The following YWHAQ variants were observed in gnomAD, a reference collection of about 807,000 sequenced individuals.
The protein encoded by YWHAQ is 14-3-3 protein theta.
In YWHAQ, 6 loss-of-function variants were observed where a neutral mutation model predicts 28.3. The ratio of observed to expected loss-of-function variants is 0.21; its 90% CI spans 0.12 to 0.42. YWHAQ has a LOEUF of 0.42. Among genes scored for constraint, YWHAQ ranks in the 10% least tolerant of loss-of-function variants. The probability of loss-of-function intolerance (pLI) is 1.00; values close to 1 mark genes in which losing one functional copy is unlikely to be tolerated. For missense variants in YWHAQ, 201 were observed against 305.6 expected (o/e 0.66, Z 2.55); for synonymous variants, 143 against 119.1 (o/e 1.20, Z -1.31).
chr2:9,600,484 T>A (rs936233890), intron 2 of YWHAQ, among the ~76,000 whole-genome samples: 3 of 152,040 alleles, frequency 2.0e-5, no homozygotes, highest in Non-Finnish European at 4.4e-5. Context: ...AGCGGGCAGA[T>A]CACCTGAGGT....
chr2:9,587,531 G>A, intron 4 of YWHAQ, 22 bp from the exon 5 acceptor site: 1 of 1,560,036 alleles, frequency 6.4e-7, no homozygotes, highest in Non-Finnish European at 8.7e-7. Flanking sequence ...TAATATCCAT[G>A]GTAAAATATG....
At chr2:9,617,087 A>G (rs1469104223) in intron 2 of YWHAQ, among the ~76,000 whole-genome samples, 1 of 150,416 alleles carries the variant, frequency 6.6e-6, no homozygotes, top group Non-Finnish European at 1.5e-5. Flanking sequence ...CAGCCTCCCG[A>G]GTAGCTGGGA....
chr2:9,591,526 T>G lies in YWHAQ; in HGVS notation c.295-11A>C, dbSNP rs753505265. On this transcript the variant is annotated splice_polypyrimidine_tract_variant and intron_variant, in intron 2 of 5. Transcript: ENST00000238081. ...TTTATCCAACAATTCCTGAAATAAA[T>G]AAGACAGAACATTAGGCACTAAACT... The G allele has an allele frequency of 6.2e-7, 1 of 1,602,692 alleles. No individual in the cohort carries two copies. Among genetic ancestry groups the G allele is most frequent in the Admixed American group, 1.7e-5 (1 of 59,808 alleles).
chr2:9,595,662 C>T (rs1666553931), intron 2 of YWHAQ, among the ~76,000 whole-genome samples: 2 of 145,952 alleles, frequency 1.4e-5, no homozygotes, highest in South Asian at 2.1e-4. Context: ...TGAGATATTG[C>T]ACTCCAGCCT....
chr2:9,608,744 T>C (rs1208541278), intron 2 of YWHAQ, among the ~76,000 whole-genome samples: 1 of 152,028 alleles, frequency 6.6e-6, no homozygotes, highest in African/African-American at 2.4e-5. Context: ...AGGTCAGGAG[T>C]TCGAAACCAG....
chr2:9,609,672 T>C (rs139516376), intron 2 of YWHAQ, among the ~76,000 whole-genome samples: 1 of 152,154 alleles, frequency 6.6e-6, no homozygotes, highest in African/African-American at 2.4e-5. Context: ...AATGACACAT[T>C]ACCATAAAGG....
chr2:9,629,864 G>A (rs111612155), intron 2 of YWHAQ, among the ~76,000 whole-genome samples: 129 of 152,246 alleles, frequency 8.5e-4, no homozygotes, highest in African/African-American at 2.6e-3. Flanking sequence ...CCCCGCACAA[G>A]AAACTTAAAA....
At chr2:9,611,245 C>G (rs1343420300) in intron 2 of YWHAQ, among the ~76,000 whole-genome samples, 1 of 152,190 alleles carries the variant, frequency 6.6e-6, no homozygotes, top group Non-Finnish European at 1.5e-5. Context: ...TGAGCAGCAT[C>G]CAACTCTTCT....
At chr2:9,622,674 G>A (rs1447138036) in intron 2 of YWHAQ, among the ~76,000 whole-genome samples, 1 of 152,154 alleles carries the variant, frequency 6.6e-6, no homozygotes, top group Non-Finnish European at 1.5e-5. Context: ...ATTAAAGCCA[G>A]CTGCAACTAT....
Position 9,630,518 on chromosome 2 carries a change from G to C in YWHAQ, c.-66C>G, listed in dbSNP as rs1346549517. 1.4e-6 allele frequency: 2 copies of C among 1,442,972 alleles called. No homozygotes were observed. Among genetic ancestry groups the C allele is most frequent in the African/African-American group, 1.4e-5 (1 of 70,948 alleles). The allele number at this position is 1,442,972 out of a possible 1,614,324, so 89.4% of individuals were successfully genotyped here. A position where few individuals can be genotyped will look rare whatever the true frequency, so the allele number is the denominator to read the frequency against. ...GCGAGGGCGAGCGCCGACCCGCAGC[G>C]GGAGGAGCCTCGAGAGCTGCGGAGG... On this transcript the variant is annotated 5_prime_UTR_variant, in exon 2 of 6. Transcript: ENST00000238081. The surrounding 1 kb of genome is among the most constrained non-coding windows in gnomAD (Gnocchi z 5.6).
chr2:9,586,190 G>A lies in YWHAQ; in HGVS notation c.679-845C>T, dbSNP rs570420915. 1.3e-4 allele frequency among the ~76,000 whole-genome samples: 20 copies of A among 152,294 alleles called. No homozygotes were observed. The South Asian group carries it at 3.9e-3, about 30-fold the overall frequency. The stretch of plus-strand genomic sequence containing the variant: ...AGAAGTGGGTGATGGAAGCTACAGG[G>A]AAGCAATGTGTGCATGTATAGACAG... On this transcript the variant is annotated intron_variant, in intron 5 of 5. Transcript: ENST00000238081.
At chr2:9,610,792 G>A (rs1229049735) in intron 2 of YWHAQ, among the ~76,000 whole-genome samples, 1 of 152,132 alleles carries the variant, frequency 6.6e-6, no homozygotes, top group Non-Finnish European at 1.5e-5. Context: ...ACAGGCATGA[G>A]CCACCGCACC....
At chr2:9,620,188 C>A (rs1012072815) in intron 2 of YWHAQ, among the ~76,000 whole-genome samples, 5 of 152,134 alleles carry the variant, frequency 3.3e-5, no homozygotes, top group Admixed American at 2.0e-4. Context: ...CCACTTGCAC[C>A]ATTATTTTTC....
At chr2:9,601,063 G>A (rs115683304) in intron 2 of YWHAQ, among the ~76,000 whole-genome samples, 1,813 of 152,282 alleles carry the variant, frequency 0.012, 18 homozygotes, top group Non-Finnish European at 0.02. Context: ...CTCAATTGTG[G>A]TGGTCTACAA....
In YWHAQ at chr2:9,630,478, C is replaced by CCGGGGA; in HGVS notation, c.-27_-26insTCCCCG. ...GGCGGGCGCGGGGCCGGGGCCGGGG[C>CCGGGGA]GGAGGGCGAGGAGAGCGAGGGCGAG... On this transcript the variant is annotated 5_prime_UTR_variant, in exon 2 of 6. Coordinates refer to ENST00000238081, the MANE Select transcript of YWHAQ (RefSeq NM_006826.4). The surrounding 1 kb of genome is among the most constrained non-coding windows in gnomAD (Gnocchi z 5.6). 1 of 1,567,020 alleles carries CCGGGGA rather than the reference C, an allele frequency of 6.4e-7. No individual in the cohort carries two copies. The highest frequency in any genetic ancestry group is 8.6e-7 in the Non-Finnish European group (1 of 1,160,556).
At chr2:9,586,000 C>CA (rs1206740673) in intron 5 of YWHAQ, among the ~76,000 whole-genome samples, 2 of 151,946 alleles carry the variant, frequency 1.3e-5, no homozygotes, top group African/African-American at 4.8e-5. Flanking sequence ...CCCAGCAGCC[C>CA]AATGCTCTTC....
At position 9,588,283 on chromosome 2, in the gene YWHAQ, A is replaced by G. The variant is rs768956586; in HGVS notation, c.464T>C (p.Ile155Thr). 18 of 1,609,668 alleles carry G rather than the reference A, an allele frequency of 1.1e-5. No individual in the cohort carries two copies. In the Admixed American group the frequency reaches 1.2e-4, roughly 11 times the overall value. Residue 155 changes from isoleucine (I) to threonine (T), a missense_variant, in exon 4 of 6, where the codon ATA (isoleucine) becomes ACA (threonine). By Grantham distance (89) the Ile-to-Thr change is moderately conservative. Around this residue, in one of 2 missense-constraint regions of YWHAQ, gnomAD observed 162 missense variants for 213.9 expected, o/e 0.76. Coordinates refer to ENST00000238081, the MANE Select transcript of YWHAQ (RefSeq NM_006826.4). ...TGTGGGTTGCATCTCTTTCTTGCTT[A>G]TATCAAATGCCTCTTGGTAAGCTCC... ...SQGAYQEAFD[I>T]SKKEMQPTHP...
At chr2:9,601,431 A>G (rs1053478187) in intron 2 of YWHAQ, among the ~76,000 whole-genome samples, 9 of 152,240 alleles carry the variant, frequency 5.9e-5, no homozygotes, top group African/African-American at 2.2e-4. Flanking sequence ...GCACCACTGC[A>G]TTCCAGCCTG....
chr2:9,597,699 A>G (rs945546193), intron 2 of YWHAQ, among the ~76,000 whole-genome samples: 7 of 151,660 alleles, frequency 4.6e-5, no homozygotes, highest in African/African-American at 7.3e-5. Flanking sequence ...AAGAATGATG[A>G]ATCAACCCCA....
Sources: gnomAD v4.1 joint callset for allele counts (sites outside exome capture counted in the v4.1 genomes callset) on GRCh38, gnomAD v4.1.1 for gene constraint, gnomAD v4.1.1 regional missense constraint, Gnocchi (gnomAD v3.1) non-coding constraint, MANE v1.5 for transcripts, NCBI Gene and HGNC (gene_info 2026-07-23, HGNC 2026-07-21) for gene names.